MYO1H: variants seen among roughly 807,000 people sequenced by gnomAD.
MYO1H encodes the protein myosin IH, also known as unconventional myosin-Ih.
A neutral mutation model predicts 149.3 loss-of-function variants in MYO1H; 118 were observed. The observed-to-expected ratio is 0.79, with a 90% CI of 0.68 to 0.92. The LOEUF is 0.92. Ranked by LOEUF, MYO1H falls within the 40% of genes least tolerant of loss-of-function variation. The pLI is 0.00. For synonymous variants in MYO1H, 447 were observed against 465.2 expected, an observed-to-expected ratio of 0.96 and a Z score of 0.50; for missense variants, 1,212 against 1,280.7, an observed-to-expected ratio of 0.95 and a Z score of 0.82.
Position 109,412,144 on chromosome 12 carries a change from A to T in MYO1H, c.1502+159A>T, listed in dbSNP as rs116224066. On this transcript the variant is annotated intron_variant, in intron 14 of 31. Transcript: ENST00000310903. ...GATGTGCCAGACCTTTGTTAGTAGA[A>T]ATTAAACCTAAATGAATTATAATTT... Among the ~76,000 whole-genome samples the T allele has an allele frequency of 4.4e-3, 668 of 152,184 alleles. 5 individuals carry two copies. The highest frequency in any genetic ancestry group is 0.015 in the African/African-American group (630 of 41,522).
chr12:109,343,522 T>G (rs1322659308), upstream of MYO1H, among the ~76,000 whole-genome samples: 1 of 152,206 alleles, frequency 6.6e-6, no homozygotes, highest in Admixed American at 6.5e-5. Context: ...CTTAATTGTT[T>G]TATTATTATT....
the MYO1H span, among the ~76,000 whole-genome samples, chr12:109,328,730 A>G: frequency 6.6e-6 from 1 of 152,140 alleles, no homozygotes; most frequent in Non-Finnish European, 1.5e-5. Flanking sequence ...CTTTTTACCT[A>G]TATTTTCGCT....
At position 109,409,962 on chromosome 12, in the gene MYO1H, G is replaced by C; in HGVS notation, c.1224-1G>C. Reference sequence around the variant, plus strand: ...GTTACTTAAATCTTTTGTATCTCTAGTTTTGAACAGTTCTGTATAAATTAC... The same window carrying C: ...GTTACTTAAATCTTTTGTATCTCTACTTTTGAACAGTTCTGTATAAATTAC... On this transcript the variant is annotated splice_acceptor_variant, in intron 11 of 31. Coordinates refer to ENST00000310903, the Ensembl canonical transcript of MYO1H. LOFTEE classifies it high-confidence loss of function. The C allele has an allele frequency of 1.3e-6, 2 of 1,488,730 alleles. No homozygotes were observed. The highest frequency in any genetic ancestry group is 1.8e-6 in the Non-Finnish European group (2 of 1,112,496). 92.2% of individuals were successfully genotyped at this position (1,488,730 alleles called of 1,614,324 possible).
At chr12:109,441,761 A>G in intron 26 of MYO1H, 53 bp downstream of exon 26, 4 of 1,360,108 alleles carry the variant, frequency 2.9e-6, no homozygotes, top group Non-Finnish European at 4.1e-6. Context: ...AAAAGGAGTT[A>G]AAGGGTGGGG....
chr12:109,425,252 T>C (rs1299106870), intron 17 of MYO1H, among the ~76,000 whole-genome samples: 1 of 152,190 alleles, frequency 6.6e-6, no homozygotes, highest in Admixed American at 6.5e-5. Context: ...GGAGGATCCT[T>C]GAACCCAGGA....
At chr12:109,364,420 G>A (rs889739415) in intron 1 of MYO1H, among the ~76,000 whole-genome samples, 7 of 151,952 alleles carry the variant, frequency 4.6e-5, no homozygotes, top group Admixed American at 1.3e-4. Flanking sequence ...CCTCAAACTC[G>A]GGGGCTCAAT....
intron 1 of MYO1H, among the ~76,000 whole-genome samples, chr12:109,357,803 T>C (rs529527055): frequency 1.0e-4 from 12 of 118,334 alleles, no homozygotes; most frequent in African/African-American, 3.1e-4. Context: ...TGATTTTTTT[T>C]CTCCCAACCA....
intron 2 of MYO1H, among the ~76,000 whole-genome samples, chr12:109,391,202 A>C (rs1005017307): frequency 2.0e-5 from 3 of 152,284 alleles, no homozygotes; most frequent in African/African-American, 7.2e-5. Flanking sequence ...ACCAGCATGC[A>C]TTAGCTATTC....
intron 2 of MYO1H, among the ~76,000 whole-genome samples, chr12:109,389,264 G>A (rs1043469547): frequency 6.6e-6 from 1 of 152,142 alleles, no homozygotes; most frequent in Non-Finnish European, 1.5e-5. Flanking sequence ...CAATACTCTG[G>A]GGATAAGCTC....
chr12:109,339,886 G>T, the MYO1H span, among the ~76,000 whole-genome samples: 1 of 152,194 alleles, frequency 6.6e-6, no homozygotes, highest in Non-Finnish European at 1.5e-5. Context: ...ATTCATCTTT[G>T]ATGTAAGGCA....
chr12:109,381,756 G>A (rs1417991690), intron 1 of MYO1H, among the ~76,000 whole-genome samples: 1 of 152,094 alleles, frequency 6.6e-6, no homozygotes, highest in Non-Finnish European at 1.5e-5. Flanking sequence ...AACCCAGAAG[G>A]CGGAGGTTGC....
At chr12:109,362,320 T>A (rs1316504149) in intron 1 of MYO1H, among the ~76,000 whole-genome samples, 1 of 152,242 alleles carries the variant, frequency 6.6e-6, no homozygotes, top group East Asian at 1.9e-4. Context: ...GAAGTCTGAT[T>A]TGAGCCAAAA....
At chr12:109,313,305 C>T in the MYO1H span, among the ~76,000 whole-genome samples, 13 of 152,098 alleles carry the variant, frequency 8.5e-5, no homozygotes, top group Non-Finnish European at 1.9e-4. Flanking sequence ...TCCAGTGCCC[C>T]CTCTCCAAGG....
intron 6 of MYO1H, among the ~76,000 whole-genome samples, chr12:109,403,723 C>CA (rs1870261037): frequency 6.6e-6 from 1 of 152,084 alleles, no homozygotes; most frequent in African/African-American, 2.4e-5. Flanking sequence ...TTTAAAAACA[C>CA]ATACAAAAAG....
chr12:109,311,805 G>A, the MYO1H span, among the ~76,000 whole-genome samples: 1 of 152,176 alleles, frequency 6.6e-6, no homozygotes, highest in African/African-American at 2.4e-5. Flanking sequence ...CGATTTCTAC[G>A]AGGCCCAACA....
chr12:109,312,591 C>A, the MYO1H span, among the ~76,000 whole-genome samples: 1 of 151,958 alleles, frequency 6.6e-6, no homozygotes, highest in Admixed American at 6.6e-5. Flanking sequence ...TTTCCCAAGT[C>A]CTTGGCTTTT....
At chr12:109,335,578 CAA>C in the MYO1H span, among the ~76,000 whole-genome samples, 272 of 148,658 alleles carry the variant, frequency 1.8e-3, 3 homozygotes, top group Non-Finnish European at 2.7e-4. Context: ...AACAAACAAA[CAA>C]AAAAAAAACT....
intron 1 of MYO1H, among the ~76,000 whole-genome samples, chr12:109,386,635 T>C (rs1357509519): frequency 6.6e-6 from 1 of 152,268 alleles, no homozygotes; most frequent in East Asian, 1.9e-4. Flanking sequence ...CCAATTTGTC[T>C]ATCTTCCTTT....
At chr12:109,338,841 G>A in the MYO1H span, among the ~76,000 whole-genome samples, 1 of 150,138 alleles carries the variant, frequency 6.7e-6, no homozygotes, top group Non-Finnish European at 1.5e-5. Flanking sequence ...CATCTTGTTA[G>A]TTTCCAGAAT....
Sources: gnomAD v4.1 joint callset for allele counts (sites outside exome capture counted in the v4.1 genomes callset) on GRCh38, gnomAD v4.1.1 for gene constraint, MANE v1.5 for transcripts, NCBI Gene and HGNC (gene_info 2026-07-23, HGNC 2026-07-21) for gene names.